NUDCD3: variants seen among roughly 807,000 people sequenced by gnomAD.
NUDCD3 encodes the protein nudC domain-containing protein 3.
A neutral mutation model predicts 39.7 loss-of-function variants in NUDCD3; 13 were observed. The ratio of observed to expected loss-of-function variants is 0.33; its 90% CI spans 0.21 to 0.52. NUDCD3 has a LOEUF of 0.52. Ranked by LOEUF, NUDCD3 falls within the 20% of genes least tolerant of loss-of-function variation. The pLI, the probability that NUDCD3 is intolerant of heterozygous loss-of-function variation, is 0.96. For synonymous variants in NUDCD3, 175 were observed against 172.4 expected (o/e 1.02, Z -0.12); for missense variants, 453 against 458.1 (o/e 0.99, Z 0.10).
At chr7:44,391,524 C>T (rs1046797953) in intron 5 of NUDCD3, among the ~76,000 whole-genome samples, 1 of 152,094 alleles carries the variant, frequency 6.6e-6, no homozygotes, top group Non-Finnish European at 1.5e-5. Context: ...GGGGAGGAGG[C>T]GGTCCGTGTT....
chr7:44,479,655 G>GT (rs1400322344), intron 2 of NUDCD3, among the ~76,000 whole-genome samples: 1 of 152,164 alleles, frequency 6.6e-6, no homozygotes, highest in Admixed American at 6.5e-5. Flanking sequence ...AACATGTCAA[G>GT]TAAGAGTCAT....
chr7:44,427,530 C>T (rs751863230), intron 3 of NUDCD3, 41 bp downstream of exon 3: 4 of 1,593,646 alleles, frequency 2.5e-6, no homozygotes, highest in Admixed American at 3.5e-5. Context: ...CTTTGACTGG[C>T]TTGGGTGAAG....
chr7:44,397,913 A>G (rs923456818), intron 4 of NUDCD3, among the ~76,000 whole-genome samples: 2 of 152,058 alleles, frequency 1.3e-5, no homozygotes, highest in African/African-American at 4.8e-5. Flanking sequence ...AATCTAGGAC[A>G]TTTCCACAGC....
At chr7:44,484,919 A>G in intron 2 of NUDCD3, 49 bp downstream of exon 2, 1 of 1,367,178 alleles carries the variant, frequency 7.3e-7, no homozygotes. Context: ...AAACCCAAAC[A>G]CCAGATGTTA....
rs147170694 is a variant in NUDCD3 at position 44,394,417 on chromosome 7, C to T, written c.787-1932G>A. Among the ~76,000 whole-genome samples, 800 of 152,314 alleles carry T rather than the reference C, an allele frequency of 5.3e-3. 6 individuals are homozygous for T. Among genetic ancestry groups the T allele is most frequent in the African/African-American group, 0.018 (763 of 41,564 alleles). ...CCCTCAGAGACCCCAACACTACAAACTCTACCTCGTCTTTACCAAGCTGAT... is the reference window on the plus strand; with the variant it reads ...CCCTCAGAGACCCCAACACTACAAATTCTACCTCGTCTTTACCAAGCTGAT... On this transcript the variant is annotated intron_variant, in intron 4 of 5. Coordinates refer to ENST00000355451, the MANE Select transcript of NUDCD3 (RefSeq NM_015332.4).
Position 44,384,217 on chromosome 7 carries a change from G to C in NUDCD3, c.*1794C>G, listed in dbSNP as rs903060250. On this transcript the variant is annotated 3_prime_UTR_variant, in exon 6 of 6. Transcript: ENST00000355451. Reference sequence around the variant, plus strand: ...CTCGGGAACTATAGAGAAGAGAGGAGACACACACCACAAGACCTCCTTTCA... The same window carrying C: ...CTCGGGAACTATAGAGAAGAGAGGACACACACACCACAAGACCTCCTTTCA... 3 of 152,254 alleles carry C rather than the reference G, an allele frequency of 2.0e-5. No homozygotes were observed. The highest frequency in any genetic ancestry group is 4.4e-5 in the Non-Finnish European group (3 of 68,104). The allele number at this position is 152,254 out of a possible 1,614,324, so 9.4% of individuals were successfully genotyped here.
chr7:44,426,603 T>C (rs1748644746), intron 3 of NUDCD3, among the ~76,000 whole-genome samples: 2 of 152,052 alleles, frequency 1.3e-5, no homozygotes. Flanking sequence ...GAGACCATCC[T>C]GGCTAAAACA....
rs141270905 is a variant in NUDCD3, at chr7:44,381,793, C to T, written c.*4218G>A. 9.8e-3 allele frequency: 1,501 copies of T among 152,506 alleles called. 12 individuals carry two copies. Among genetic ancestry groups the T allele is most frequent in the Non-Finnish European group, 0.014 (933 of 68,168 alleles). 9.4% of individuals were successfully genotyped at this position (152,506 alleles called of 1,614,324 possible). A position where few individuals can be genotyped will look rare whatever the true frequency, so the allele number is the denominator to read the frequency against. On this transcript the variant is annotated 3_prime_UTR_variant, in exon 6 of 6. Transcript: ENST00000355451. ...GCCTGAGGGTGGCCACATTCCCACACCCCATGTGTGCCTATCTCCATCAGC... is the reference window on the plus strand; with the variant it reads ...GCCTGAGGGTGGCCACATTCCCACATCCCATGTGTGCCTATCTCCATCAGC...
intron 3 of NUDCD3, among the ~76,000 whole-genome samples, chr7:44,422,365 A>G (rs1052337108): frequency 1.3e-5 from 2 of 152,194 alleles, no homozygotes; most frequent in African/African-American, 4.8e-5. Flanking sequence ...GTTTTTTTTA[A>G]AAGATTAACA....
chr7:44,389,680 G>T (rs1235216075), intron 5 of NUDCD3, among the ~76,000 whole-genome samples: 3 of 152,210 alleles, frequency 2.0e-5, no homozygotes, highest in South Asian at 2.1e-4. Context: ...CACAAAGGCA[G>T]ATCTGTGTCT....
intron 2 of NUDCD3, among the ~76,000 whole-genome samples, chr7:44,428,281 C>T (rs1164036988): frequency 1.3e-5 from 2 of 151,772 alleles, no homozygotes; most frequent in Admixed American, 6.6e-5. Context: ...ACTAAAAATA[C>T]AAAAATTAGC....
At position 44,385,560 on chromosome 7, in the gene NUDCD3, C is replaced by G. The variant is rs879158764; in HGVS notation, c.*451G>C. ...CAGCCATTCCTTGCTTGCCCTCATG[C>G]AAGCACAGAGCTTCACACACTTCAA... On this transcript the variant is annotated 3_prime_UTR_variant, in exon 6 of 6. Transcript: ENST00000355451. The G allele has an allele frequency of 1.9e-5, 3 of 160,710 alleles. No homozygotes were observed. In the South Asian group the frequency reaches 5.6e-4, roughly 30 times the overall value. 10.0% of individuals were successfully genotyped at this position (160,710 alleles called of 1,614,324 possible).
intron 3 of NUDCD3, among the ~76,000 whole-genome samples, chr7:44,427,000 AC>A (rs1440930901): frequency 6.7e-6 from 1 of 150,250 alleles, no homozygotes; most frequent in East Asian, 1.9e-4. Context: ...TCATCACCAT[AC>A]ACGGGGAGGT....
chr7:44,415,076 A>G (rs929091247), intron 3 of NUDCD3, among the ~76,000 whole-genome samples: 4 of 152,226 alleles, frequency 2.6e-5, no homozygotes, highest in Non-Finnish European at 4.4e-5. Context: ...TTCATTTGCA[A>G]TAAGGCCATA....
intron 2 of NUDCD3, among the ~76,000 whole-genome samples, chr7:44,471,263 T>G (rs548785291): frequency 3.9e-5 from 6 of 152,372 alleles, no homozygotes; most frequent in African/African-American, 1.4e-4. Flanking sequence ...TTAAATCATC[T>G]TTAGCTTTAT....
rs1554489215 is a variant in NUDCD3, at chr7:44,412,951, A to AAAAAAAG, written c.643-8369_643-8368insCTTTTTT. On this transcript the variant is annotated intron_variant, in intron 3 of 5. Transcript: ENST00000355451. ...CAAAAAAAAAAAAAAAAGAAAAAAA[A>AAAAAAAG]AAAGAAAGAAACCATTGACCATTGG... Among the ~76,000 whole-genome samples the AAAAAAAG allele has an allele frequency of 1.8e-3, 264 of 144,414 alleles. 2 individuals are homozygous for AAAAAAAG. Among genetic ancestry groups the AAAAAAAG allele is most frequent in the Middle Eastern group, 3.7e-3 (1 of 272 alleles). The allele number at this position is 144,414 out of a possible 152,430, so 94.7% of individuals were successfully genotyped here.
At chr7:44,429,011 T>G (rs1272982790) in intron 2 of NUDCD3, among the ~76,000 whole-genome samples, 1 of 152,224 alleles carries the variant, frequency 6.6e-6, no homozygotes, top group Non-Finnish European at 1.5e-5. Flanking sequence ...TGTATCTACA[T>G]CTATATAGAT....
chr7:44,435,138 T>C (rs1310022298), intron 2 of NUDCD3, among the ~76,000 whole-genome samples: 1 of 152,156 alleles, frequency 6.6e-6, no homozygotes, highest in Non-Finnish European at 1.5e-5. Context: ...TTTCTAAAAA[T>C]CTAGTATCAA....
chr7:44,428,828 G>C (rs1490305210), intron 2 of NUDCD3, among the ~76,000 whole-genome samples: 2 of 152,212 alleles, frequency 1.3e-5, no homozygotes, highest in Admixed American at 1.3e-4. Context: ...CCTAGTCATG[G>C]AGAAGGCAGC....
Sources: gnomAD v4.1 joint callset for allele counts (sites outside exome capture counted in the v4.1 genomes callset) on GRCh38, gnomAD v4.1.1 for gene constraint, MANE v1.5 for transcripts, NCBI Gene and HGNC (gene_info 2026-07-23, HGNC 2026-07-21) for gene names.